The following CPD variants were observed in gnomAD, a reference collection of about 807,000 sequenced individuals.
CPD encodes carboxypeptidase D.
CPD carries 69 observed loss-of-function variants against 138.3 expected under a neutral mutation model. The ratio of observed to expected loss-of-function variants is 0.50; its 90% confidence interval spans 0.41 to 0.61. The LOEUF (loss-of-function observed/expected upper bound fraction) is 0.61. CPD is among the 20% of genes least tolerant of loss of function. The pLI, the probability that CPD is intolerant of heterozygous loss-of-function variation, is 0.00. For synonymous variants in CPD, 651 were observed against 642.1 expected, an observed-to-expected ratio of 1.01 and a Z score of -0.21; for missense variants, 1,432 against 1,733.3, an observed-to-expected ratio of 0.83 and a Z score of 3.09.
intron 2 of CPD, among the ~76,000 whole-genome samples, chr17:30,394,553 T>TCGTTTTGGAGTTATCTTTTG (rs1303821420): frequency 2.6e-5 from 4 of 152,200 alleles, no homozygotes; most frequent in Non-Finnish European, 4.4e-5. Flanking sequence ...GTAGTGCTAT[T>TCGTTTTGGAGTTATCTTTTG]CGTTTTGGAG....
At chr17:30,423,427 A>G (rs1912320761) in intron 5 of CPD, 79 bp from the exon 6 acceptor site, 4 of 1,103,272 alleles carry the variant, frequency 3.6e-6, no homozygotes, top group Non-Finnish European at 3.8e-6. Flanking sequence ...TATAGGATTT[A>G]TATATGTTGC....
At chr17:30,462,573 G>T (rs1469648843) in intron 20 of CPD, 104 bp downstream of exon 20, 7 of 711,264 alleles carry the variant, frequency 9.8e-6, no homozygotes, top group African/African-American at 1.8e-5. Context: ...CTAATCACTT[G>T]TCTTCTAATG....
At chr17:30,397,279 A>G (rs2143338477) in intron 2 of CPD, among the ~76,000 whole-genome samples, 2 of 152,330 alleles carry the variant, frequency 1.3e-5, no homozygotes, top group South Asian at 4.1e-4. Flanking sequence ...TACTTAGAGC[A>G]TTACAGTCAT....
chr17:30,420,542 C>T (rs1273036629), intron 2 of CPD, among the ~76,000 whole-genome samples: 1 of 152,134 alleles, frequency 6.6e-6, no homozygotes, highest in African/African-American at 2.4e-5. Flanking sequence ...GTATAGTAAA[C>T]ACACAAAGCT....
chr17:30,459,029 C>T (rs1913381159), intron 17 of CPD, among the ~76,000 whole-genome samples: 1 of 151,388 alleles, frequency 6.6e-6, no homozygotes, highest in African/African-American at 2.4e-5. Context: ...TATTCTTTCC[C>T]CACTGAATGG....
intron 17 of CPD, among the ~76,000 whole-genome samples, chr17:30,457,761 G>A (rs1384925455): frequency 1.3e-5 from 2 of 151,790 alleles, no homozygotes; most frequent in Admixed American, 6.6e-5. Flanking sequence ...AACCTCCCAG[G>A]CCCAAGCAAT....
At chr17:30,425,060 C>T (rs1316816398) in intron 6 of CPD, among the ~76,000 whole-genome samples, 2 of 152,184 alleles carry the variant, frequency 1.3e-5, no homozygotes, top group Non-Finnish European at 2.9e-5. Flanking sequence ...CTTCTACATA[C>T]TCCCCAGACC....
chr17:30,404,304 T>G (rs1371750045), intron 2 of CPD, among the ~76,000 whole-genome samples: 1 of 152,188 alleles, frequency 6.6e-6, no homozygotes, highest in Non-Finnish European at 1.5e-5. Context: ...TACTTAATAC[T>G]TAAGTGAAAG....
chr17:30,394,444 T>C (rs1433735231), intron 2 of CPD, among the ~76,000 whole-genome samples: 2 of 152,344 alleles, frequency 1.3e-5, no homozygotes, highest in Middle Eastern at 3.4e-3. Flanking sequence ...GAGAGCTTTT[T>C]GTTTATACAG....
chr17:30,403,541 A>G (rs1911730050), intron 2 of CPD, among the ~76,000 whole-genome samples: 1 of 152,228 alleles, frequency 6.6e-6, no homozygotes, highest in African/African-American at 2.4e-5. Flanking sequence ...AAGGATGTGC[A>G]ATATCATTTG....
intron 18 of CPD, 81 bp from the exon 19 acceptor site, chr17:30,461,796 T>G (rs1458131551): frequency 1.7e-6 from 2 of 1,174,826 alleles, no homozygotes; most frequent in African/African-American, 3.1e-5. Context: ...GTTTGGTTGG[T>G]TTTGGTCATG....
chr17:30,427,253 C>T (rs1168841137), intron 6 of CPD, 138 bp from the exon 7 acceptor site: 2 of 641,644 alleles, frequency 3.1e-6, no homozygotes, highest in Non-Finnish European at 5.2e-6. Flanking sequence ...AAGACAGTTT[C>T]ATAATCATAG....
In CPD at chr17:30,464,898, A is replaced by T; in HGVS notation, c.*84A>T. 4 of 1,043,276 alleles carry T rather than the reference A, an allele frequency of 3.8e-6. No homozygotes were observed. Among genetic ancestry groups the T allele is most frequent in the South Asian group, 1.4e-5 (1 of 73,958 alleles). The allele number at this position is 1,043,276 out of a possible 1,614,324, so 64.6% of individuals were successfully genotyped here. On this transcript the variant is annotated 3_prime_UTR_variant, in exon 21 of 21. Transcript: ENST00000225719. ...GGAGAACACTGCATTAAGAAGAGAG[A>T]CTCTCTTGCTTCTTCAAAGAGCTTT...
chr17:30,467,333 A>G lies in CPD; in HGVS notation c.*2519A>G, dbSNP rs1031246916. 1 of 152,480 alleles carries G rather than the reference A, an allele frequency of 6.6e-6. No homozygotes were observed. Among genetic ancestry groups the G allele is most frequent in the Admixed American group, 6.6e-5 (1 of 15,266 alleles). The allele number at this position is 152,480 out of a possible 1,614,324, so 9.4% of individuals were successfully genotyped here. A position where few individuals can be genotyped will look rare whatever the true frequency, so the allele number is the denominator to read the frequency against. On this transcript the variant is annotated 3_prime_UTR_variant, in exon 21 of 21. Transcript: ENST00000225719. ...CCAGCTCCTTAATAAAAGCAAAGTGATTGAGTAGGTAATGTTCAAAGTGTC... is the reference window on the plus strand; with the variant it reads ...CCAGCTCCTTAATAAAAGCAAAGTGGTTGAGTAGGTAATGTTCAAAGTGTC...
chr17:30,416,824 C>T (rs1026606557), intron 2 of CPD, among the ~76,000 whole-genome samples: 10 of 152,014 alleles, frequency 6.6e-5, no homozygotes, highest in Admixed American at 1.3e-4. Flanking sequence ...TTTTCTAGGC[C>T]GGGCGCGGTG....
intron 20 of CPD, among the ~76,000 whole-genome samples, chr17:30,463,962 G>A (rs1039773710): frequency 6.6e-6 from 1 of 152,112 alleles, no homozygotes; most frequent in Non-Finnish European, 1.5e-5. Flanking sequence ...TAAACAAGGA[G>A]ATTTGGATGA....
chr17:30,447,938 A>G (rs1342998319), intron 12 of CPD, among the ~76,000 whole-genome samples: 2 of 152,196 alleles, frequency 1.3e-5, no homozygotes, highest in Non-Finnish European at 1.5e-5. Context: ...CCTTGAGCAT[A>G]TAGTTCTCTG....
At chr17:30,449,790 G>T (rs1913119615) in intron 13 of CPD, 42 bp downstream of exon 13, 4 of 1,494,120 alleles carry the variant, frequency 2.7e-6, no homozygotes, top group Admixed American at 2.6e-5. Flanking sequence ...AAAGGAAAAA[G>T]CTCAACATTA....
intron 12 of CPD, 95 bp from the exon 13 acceptor site, chr17:30,449,458 G>C: frequency 8.7e-7 from 1 of 1,152,636 alleles, no homozygotes; most frequent in Non-Finnish European, 1.2e-6. Context: ...AAAACTTTTT[G>C]TGTTTTGTTT....
Sources: gnomAD v4.1 joint callset for allele counts (sites outside exome capture counted in the v4.1 genomes callset) on GRCh38, gnomAD v4.1.1 for gene constraint, MANE v1.5 for transcripts, NCBI Gene and HGNC (gene_info 2026-07-23, HGNC 2026-07-21) for gene names.